IBTK: variants seen among roughly 807,000 people sequenced by gnomAD.
IBTK encodes the protein BTK-binding protein.
A neutral mutation model predicts 154.9 loss-of-function variants in IBTK; 83 were observed. The ratio of observed to expected loss-of-function variants is 0.54; its 90% CI spans 0.45 to 0.64. The LOEUF (loss-of-function observed/expected upper bound fraction) is 0.64. Among genes scored for constraint, IBTK ranks in the 30% least tolerant of loss-of-function variants. The pLI is 0.00. For synonymous variants in IBTK, 515 were observed against 536.1 expected (o/e 0.96, Z 0.54); for missense variants, 1,332 against 1,584.6 (o/e 0.84, Z 2.71).
Position 82,171,445 on chromosome 6 carries a change from A to T in IBTK, c.4042T>A (p.Trp1348Arg). The T allele has an allele frequency of 6.2e-7, 1 of 1,613,166 alleles. No homozygotes were observed. The highest frequency in any genetic ancestry group is 8.5e-7 in the Non-Finnish European group (1 of 1,179,624). Residue 1348 changes from tryptophan (W) to arginine (R), a missense_variant, in exon 29 of 29, where the codon TGG (tryptophan) becomes AGG (arginine). Transcript: ENST00000306270. ...TPQGPLAVPMWNKHGC is the reference protein window; with the variant it reads ...TPQGPLAVPMRNKHGC Reference sequence around the variant, plus strand: ...GTGAACTAGCATCCATGCTTATTCCACATAGGTACTGCCAGTGGTCCCTGC... The same window carrying T: ...GTGAACTAGCATCCATGCTTATTCCTCATAGGTACTGCCAGTGGTCCCTGC...
At chr6:82,217,670 C>A (rs1194157658) in intron 10 of IBTK, among the ~76,000 whole-genome samples, 2 of 152,042 alleles carry the variant, frequency 1.3e-5, no homozygotes, top group Admixed American at 1.3e-4. Context: ...TATAAACATT[C>A]TTGATTTTGT....
intron 22 of IBTK, among the ~76,000 whole-genome samples, chr6:82,195,434 T>C (rs1179236202): frequency 6.6e-6 from 1 of 151,812 alleles, no homozygotes; most frequent in East Asian, 1.9e-4. Context: ...AAAAATTAGC[T>C]GGACGTGATG....
chr6:82,240,098 T>C (rs992296161), intron 2 of IBTK, 68 bp downstream of exon 2: 18 of 1,324,418 alleles, frequency 1.4e-5, no homozygotes, highest in African/African-American at 5.9e-5. Context: ...GCATGTAGGA[T>C]GTATGAAAAT....
At chr6:82,175,564 T>C (rs1224336485) in intron 26 of IBTK, among the ~76,000 whole-genome samples, 1 of 152,214 alleles carries the variant, frequency 6.6e-6, no homozygotes, top group Non-Finnish European at 1.5e-5. Context: ...AATAGAGCTA[T>C]GATTAAACAA....
intron 26 of IBTK, among the ~76,000 whole-genome samples, chr6:82,175,378 A>G (rs1430366763): frequency 6.6e-6 from 1 of 152,160 alleles, no homozygotes. Flanking sequence ...AGGTACAGAA[A>G]GACTCAGAAA....
intron 8 of IBTK, among the ~76,000 whole-genome samples, chr6:82,220,937 T>TATACACACAC (rs561940085): frequency 3.1e-5 from 4 of 130,090 alleles, no homozygotes; most frequent in African/African-American, 1.2e-4. Context: ...TGACTTTACC[T>TATACACACAC]ACACACACAC....
At position 82,196,405 on chromosome 6, in the gene IBTK, G is replaced by T; in HGVS notation, c.3067C>A (p.Pro1023Thr). 2 of 1,612,090 alleles carry T rather than the reference G, an allele frequency of 1.2e-6. No individual in the cohort carries two copies. Among genetic ancestry groups the T allele is most frequent in the Non-Finnish European group, 1.7e-6 (2 of 1,178,964 alleles). The change falls in exon 22 of 29, where the codon CCA becomes ACA. Residue 1023 changes from proline to threonine, a missense_variant. Physicochemically the swap from Pro to Thr is conservative, Grantham distance 38. Around this residue, in one of 3 missense-constraint regions of IBTK, gnomAD observed 1,134 missense variants for 1,274.7 expected, o/e 0.89. Transcript: ENST00000306270. ...SGKTNSVESL[P>T]ELLTSDSEGS... ...TCAGAGTCTGATGTCAACAGTTCTG[G>T]AAGAGATTCCACAGAATTGGTCTTA...
chr6:82,201,508 T>C (rs753166933), intron 18 of IBTK, 26 bp from the exon 19 acceptor site: 146 of 1,510,162 alleles, frequency 9.7e-5, no homozygotes, highest in Middle Eastern at 1.7e-4. Context: ...CAAAATTCTA[T>C]CTTAAGATTC....
At chr6:82,182,830 T>C (rs1355337859) in intron 25 of IBTK, among the ~76,000 whole-genome samples, 1 of 152,150 alleles carries the variant, frequency 6.6e-6, no homozygotes, top group Non-Finnish European at 1.5e-5. Flanking sequence ...GAAAGGAATC[T>C]TTAATATGAT....
At chr6:82,236,159 C>T (rs1770706601) in intron 2 of IBTK, among the ~76,000 whole-genome samples, 1 of 152,168 alleles carries the variant, frequency 6.6e-6, no homozygotes, top group Non-Finnish European at 1.5e-5. Flanking sequence ...CAGTTGTGAG[C>T]CACCATGCCC....
chr6:82,213,624 G>A (rs537323307), intron 12 of IBTK, among the ~76,000 whole-genome samples: 2 of 152,252 alleles, frequency 1.3e-5, no homozygotes, highest in Admixed American at 1.3e-4. Flanking sequence ...TCCCAGCCAG[G>A]AATAGTAAAG....
rs374203123 is a variant in IBTK at position 82,217,536 on chromosome 6, G to A, written c.1426+424C>T. On this transcript the variant is annotated intron_variant, in intron 10 of 28. Coordinates refer to ENST00000306270, the MANE Select transcript of IBTK (RefSeq NM_015525.4). ...GGCACATAGTAAATATATATTAAAT[G>A]TTTACAGACTTGAATAATCTATAAA... Among the ~76,000 whole-genome samples, 42 of 152,132 alleles carry A rather than the reference G, an allele frequency of 2.8e-4. 1 individual carries two copies. In the East Asian group the frequency reaches 5.2e-3, roughly 19 times the overall value.
chr6:82,246,545 A>G (rs1771155581), intron 1 of IBTK, among the ~76,000 whole-genome samples: 1 of 150,002 alleles, frequency 6.7e-6, no homozygotes, highest in African/African-American at 2.5e-5. Flanking sequence ...CCCGGGTTCA[A>G]GCAATTCTCA....
At chr6:82,204,771 C>T in intron 17 of IBTK, 86 bp downstream of exon 17, 2 of 731,762 alleles carry the variant, frequency 2.7e-6, no homozygotes, top group South Asian at 3.6e-5. Flanking sequence ...TCTATTTTAC[C>T]ATAAGTGGAA....
intron 5 of IBTK, among the ~76,000 whole-genome samples, chr6:82,226,303 A>G (rs543267148): frequency 2.9e-4 from 44 of 152,290 alleles, no homozygotes; most frequent in African/African-American, 1.0e-3. Context: ...ACCCTCAAAA[A>G]TGGAAGCTAT....
chr6:82,214,075 C>A (rs1403736272), intron 12 of IBTK, 152 bp downstream of exon 12: 1 of 635,280 alleles, frequency 1.6e-6, no homozygotes, highest in African/African-American at 1.8e-5. Flanking sequence ...CCTGCCTCAG[C>A]CTCCTGAGTA....
At position 82,198,240 on chromosome 6, in the gene IBTK, A is replaced by G. The variant is rs373926454; in HGVS notation, c.3026-1794T>C. Among the ~76,000 whole-genome samples, 22 of 152,246 alleles carry G rather than the reference A, an allele frequency of 1.4e-4. No homozygotes were observed. The East Asian group carries it at 3.7e-3, about 25-fold the overall frequency. ...TTCCATAAGTCATTTAGGTGACTGG[A>G]AAGTCATTACTTTCAAGACTGTCTA... On this transcript the variant is annotated intron_variant, in intron 21 of 28. Transcript: ENST00000306270.
In IBTK at chr6:82,220,768, C is replaced by T. The variant is rs544240647; in HGVS notation, c.1125-55G>A. 2.7e-5 allele frequency: 37 copies of T among 1,346,612 alleles called. No homozygotes were observed. In the East Asian group the frequency reaches 9.4e-4, roughly 34 times the overall value. 83.4% of individuals were successfully genotyped at this position (1,346,612 alleles called of 1,614,324 possible). ...AATATGTTCTCTAAACTACACATGC[C>T]TAAACTTCAAAGAAGTTAGTATTCA... On this transcript the variant is annotated intron_variant, in intron 8 of 28. Transcript: ENST00000306270.
At chr6:82,220,565 C>T in intron 9 of IBTK, 25 bp downstream of exon 9, 4 of 1,579,084 alleles carry the variant, frequency 2.5e-6, no homozygotes, top group Non-Finnish European at 3.4e-6. Context: ...AGTAAGATTA[C>T]ACTTTTACAT....
Sources: gnomAD v4.1 joint callset for allele counts (sites outside exome capture counted in the v4.1 genomes callset) on GRCh38, gnomAD v4.1.1 for gene constraint, gnomAD v4.1.1 regional missense constraint, MANE v1.5 for transcripts, NCBI Gene and HGNC (gene_info 2026-07-23, HGNC 2026-07-21) for gene names.